The following TRIT1 variants were observed in gnomAD, a reference collection of about 807,000 sequenced individuals.
TRIT1 encodes tRNA dimethylallyltransferase.
In TRIT1, 43 loss-of-function variants were observed where a neutral mutation model predicts 51.2. The ratio of observed to expected loss-of-function variants is 0.84; its 90% CI spans 0.66 to 1.08. The LOEUF is 1.08. Among genes scored for constraint, TRIT1 ranks in the 50% least tolerant of loss-of-function variants. The pLI is 0.00. For missense variants in TRIT1, 528 were observed against 578.4 expected (o/e 0.91, Z 0.89); for synonymous variants, 184 against 203.9 (o/e 0.90, Z 0.83).
rs150808194 is a variant in TRIT1, at chr1:39,861,461, T to C, written c.175-4044A>G. 1.1e-3 allele frequency among the ~76,000 whole-genome samples: 162 copies of C among 152,278 alleles called. 1 individual carries two copies. The highest frequency in any genetic ancestry group is 3.7e-3 in the African/African-American group (154 of 41,544). On this transcript the variant is annotated intron_variant, in intron 1 of 10. Transcript: ENST00000316891. ...ACTTAGCAATTCCACTTCAGGTACA[T>C]ACCCAAAAGAATTGAAAGCAGGGTG...
rs545986227 is a variant in TRIT1 at position 39,851,288 on chromosome 1, AACCTATTG to A, written c.561-1035_561-1028del. On this transcript the variant is annotated intron_variant, in intron 4 of 10. Coordinates refer to ENST00000316891, the MANE Select transcript of TRIT1 (RefSeq NM_017646.6). ...ATGAGACTCTAGAGCTCTTGCTTAG[AACCTATTG>A]ACTCTTACTAAGAAAAAATTCTCAA... Among the ~76,000 whole-genome samples, 721 of 152,328 alleles carry A rather than the reference AACCTATTG, an allele frequency of 4.7e-3. 4 individuals carry two copies. The highest frequency in any genetic ancestry group is 0.02 in the Middle Eastern group (6 of 294).
At chr1:39,848,600 T>C (rs777982918) in intron 5 of TRIT1, among the ~76,000 whole-genome samples, 76 of 148,554 alleles carry the variant, frequency 5.1e-4, no homozygotes, top group Non-Finnish European at 8.6e-4. Context: ...CCGAGGTGGG[T>C]GGATCACGAG....
At chr1:39,860,543 T>C (rs1643177481) in intron 1 of TRIT1, among the ~76,000 whole-genome samples, 3 of 152,198 alleles carry the variant, frequency 2.0e-5, no homozygotes, top group Non-Finnish European at 4.4e-5. Context: ...AAAACACTTC[T>C]GGTCCCAAGC....
At chr1:39,855,050 G>A (rs1356892989) in intron 2 of TRIT1, among the ~76,000 whole-genome samples, 1 of 152,156 alleles carries the variant, frequency 6.6e-6, no homozygotes, top group African/African-American at 2.4e-5. Flanking sequence ...GTTTCACGAT[G>A]TTACTTGCCC....
intron 1 of TRIT1, among the ~76,000 whole-genome samples, chr1:39,864,138 G>A (rs1216214390): frequency 2.0e-5 from 3 of 151,866 alleles, no homozygotes; most frequent in East Asian, 1.9e-4. Context: ...TGCCAGCCTC[G>A]GTCTCCCAGA....
chr1:39,841,481 T>A lies in TRIT1; in HGVS notation c.*263A>T, dbSNP rs1193136796. ...CTGTGCTGCTTTTAATAATAGAACC[T>A]TTAAGGTTCAAAGAAAAAAAAAATG... On this transcript the variant is annotated 3_prime_UTR_variant, in exon 11 of 11. Transcript: ENST00000316891. The A allele has an allele frequency of 3.2e-6, 1 of 308,928 alleles. No individual in the cohort carries two copies. The highest frequency in any genetic ancestry group is 5.4e-5 in the East Asian group (1 of 18,478). 19.1% of individuals were successfully genotyped at this position (308,928 alleles called of 1,614,324 possible).
intron 1 of TRIT1, among the ~76,000 whole-genome samples, chr1:39,880,282 A>T (rs950636640): frequency 4.8e-5 from 7 of 146,724 alleles, no homozygotes; most frequent in Non-Finnish European, 9.4e-5. Context: ...AAAAAAAAAA[A>T]AAAAAAAAAA....
In TRIT1 at chr1:39,850,242, C is replaced by A; in HGVS notation, c.580G>T (p.Glu194Ter). The A allele has an allele frequency of 6.2e-7, 1 of 1,614,142 alleles. No individual in the cohort carries two copies. The highest frequency in any genetic ancestry group is 8.5e-7 in the Non-Finnish European group (1 of 1,180,016). The part of the protein sequence containing the change: ...KVARSLQVFE[E>*]TGISHSEFLH... Reference sequence around the variant, plus strand: ...AATTCACTATGAGAGATTCCTGTTTCTTCAAAAACTTGCAAGCTCCTAAGT... The same window carrying A: ...AATTCACTATGAGAGATTCCTGTTTATTCAAAAACTTGCAAGCTCCTAAGT... The change falls in exon 5 of 11, where the codon GAA becomes TAA. Residue 194 changes from glutamate (E) to a stop codon, truncating the protein, a stop_gained. Coordinates refer to ENST00000316891, the MANE Select transcript of TRIT1 (RefSeq NM_017646.6). LOFTEE classifies it high-confidence loss of function.
At chr1:39,867,654 C>T (rs138062376) in intron 1 of TRIT1, among the ~76,000 whole-genome samples, 144 of 152,250 alleles carry the variant, frequency 9.5e-4, no homozygotes, top group African/African-American at 3.0e-3. Flanking sequence ...GCTTGGAGTC[C>T]ACCTGCAAAC....
rs1642949781 is a variant in TRIT1, at chr1:39,857,178, G to T, written c.315+99C>A. The T allele has an allele frequency of 2.1e-6, 3 of 1,402,836 alleles. No homozygotes were observed. In the African/African-American group the frequency reaches 4.3e-5, roughly 20 times the overall value. The allele number at this position is 1,402,836 out of a possible 1,614,324, so 86.9% of individuals were successfully genotyped here. On this transcript the variant is annotated intron_variant, in intron 2 of 10. Transcript: ENST00000316891. The stretch of plus-strand genomic sequence containing the variant: ...ATCCATCAGTATTTAGGCCTTGGGT[G>T]CCCCTTCTGAGAAGAAATTGCCACT...
intron 1 of TRIT1, chr1:39,862,913 T>C: frequency 1.0e-6 from 1 of 985,428 alleles, no homozygotes; most frequent in Non-Finnish European, 1.2e-6. Context: ...CCATTTCCCC[T>C]TCTCCCAAAG....
chr1:39,870,006 A>T (rs1233675472), intron 1 of TRIT1, among the ~76,000 whole-genome samples: 1 of 152,070 alleles, frequency 6.6e-6, no homozygotes, highest in African/African-American at 2.4e-5. Flanking sequence ...CCCGTCTGGG[A>T]GGTGTACCCA....
At chr1:39,857,869 T>C (rs890139903) in intron 1 of TRIT1, among the ~76,000 whole-genome samples, 3 of 152,216 alleles carry the variant, frequency 2.0e-5, no homozygotes, top group Non-Finnish European at 4.4e-5. Context: ...TTGTGTAAGA[T>C]TGGTTCCATT....
chr1:39,880,563 G>A (rs1296861729), intron 1 of TRIT1, among the ~76,000 whole-genome samples: 1 of 152,118 alleles, frequency 6.6e-6, no homozygotes, highest in Admixed American at 6.5e-5. Flanking sequence ...CACTTTGGGA[G>A]GCCAAGGCGG....
chr1:39,876,532 C>A (rs7515612), intron 1 of TRIT1, among the ~76,000 whole-genome samples: 21,847 of 78,408 alleles, frequency 0.28, 2,034 homozygotes, highest in South Asian at 0.31. Context: ...ATATGTGTAT[C>A]TATCTATCTA....
chr1:39,841,727 G>A lies in TRIT1; in HGVS notation c.*17C>T. 6.3e-7 allele frequency: 1 copy of A among 1,595,274 alleles called. No homozygotes were observed. Among genetic ancestry groups the A allele is most frequent in the South Asian group, 1.1e-5 (1 of 87,648 alleles). On this transcript the variant is annotated 3_prime_UTR_variant, in exon 11 of 11. Transcript: ENST00000316891. ...CTGGATCCCCACCACCTTTCCAAAGGCCACTGGACATGTCTCTTAAACGCT... is the reference window on the plus strand; with the variant it reads ...CTGGATCCCCACCACCTTTCCAAAGACCACTGGACATGTCTCTTAAACGCT...
intron 5 of TRIT1, among the ~76,000 whole-genome samples, chr1:39,849,060 T>C (rs971346241): frequency 2.0e-5 from 3 of 152,196 alleles, no homozygotes; most frequent in African/African-American, 7.2e-5. Context: ...ACCATTTTAA[T>C]TATGTTCTTC....
At chr1:39,872,937 C>T (rs1014054177) in intron 1 of TRIT1, among the ~76,000 whole-genome samples, 2 of 152,048 alleles carry the variant, frequency 1.3e-5, no homozygotes, top group African/African-American at 4.8e-5. Context: ...ATGCTAAAAT[C>T]AGAGGGTGAA....
At chr1:39,844,455 A>G in intron 9 of TRIT1, 76 bp downstream of exon 9, 1 of 1,200,816 alleles carries the variant, frequency 8.3e-7, no homozygotes. Flanking sequence ...TGGTTCTTCA[A>G]TATAGCAACA....
Sources: gnomAD v4.1 joint callset for allele counts (sites outside exome capture counted in the v4.1 genomes callset) on GRCh38, gnomAD v4.1.1 for gene constraint, MANE v1.5 for transcripts, NCBI Gene and HGNC (gene_info 2026-07-23, HGNC 2026-07-21) for gene names.